BMAL2: variants seen among roughly 807,000 people sequenced by gnomAD.
BMAL2 encodes the protein basic helix-loop-helix ARNT-like protein 2.
chr12:27,359,105 A>C, the BMAL2 span, among the ~76,000 whole-genome samples: 1 of 152,208 alleles, frequency 6.6e-6, no homozygotes, highest in Non-Finnish European at 1.5e-5. Context: ...CAAATCCTGT[A>C]CCACACAGTG....
the BMAL2 span, among the ~76,000 whole-genome samples, chr12:27,356,035 T>G: frequency 8.5e-5 from 13 of 152,294 alleles, no homozygotes; most frequent in African/African-American, 2.6e-4. Context: ...ATGTGATATT[T>G]TGGGCTCCTG....
the BMAL2 span, among the ~76,000 whole-genome samples, chr12:27,369,280 CT>C: frequency 2.8e-5 from 4 of 143,220 alleles, no homozygotes; most frequent in East Asian, 2.1e-4. Context: ...CATCCTAGCT[CT>C]TTTTTTTTCT....
the BMAL2 span, among the ~76,000 whole-genome samples, chr12:27,343,379 C>A: frequency 2.0e-5 from 3 of 152,110 alleles, no homozygotes; most frequent in Non-Finnish European, 4.4e-5. Flanking sequence ...CAAAGTTAAA[C>A]GGAAGGTGTC....
At chr12:27,402,521 C>A in the BMAL2 span, 1 of 1,006,946 alleles carries the variant, frequency 9.9e-7, no homozygotes, top group Non-Finnish European at 1.5e-6. Flanking sequence ...ATAAATGGGC[C>A]ACAAATTGAC....
chr12:27,387,064 G>A, the BMAL2 span, among the ~76,000 whole-genome samples: 1 of 152,088 alleles, frequency 6.6e-6, no homozygotes, highest in African/African-American at 2.4e-5. Context: ...AAATCTGTTT[G>A]CATCTTAAGA....
the BMAL2 span, among the ~76,000 whole-genome samples, chr12:27,356,232 AG>A: frequency 3.5e-3 from 532 of 152,310 alleles, 11 homozygotes; most frequent in Non-Finnish European, 2.0e-3. Context: ...TGAAAGTTGT[AG>A]CTTTTGCTAG....
the BMAL2 span, among the ~76,000 whole-genome samples, chr12:27,348,187 C>CT: frequency 6.6e-6 from 1 of 152,234 alleles, no homozygotes; most frequent in Admixed American, 6.5e-5. Context: ...CAACCTTTTA[C>CT]TTTCCCCTAT....
At chr12:27,387,192 A>C in the BMAL2 span, 1 of 1,409,272 alleles carries the variant, frequency 7.1e-7, no homozygotes, top group Non-Finnish European at 1.0e-6. Flanking sequence ...GAGACAGACA[A>C]TATTTTAAAA....
chr12:27,334,843 G>C, the BMAL2 span, among the ~76,000 whole-genome samples: 1 of 152,218 alleles, frequency 6.6e-6, no homozygotes, highest in African/African-American at 2.4e-5. Flanking sequence ...GCTTCTGTTA[G>C]TCTTACAACA....
chr12:27,345,734 C>T, the BMAL2 span, among the ~76,000 whole-genome samples: 2 of 152,130 alleles, frequency 1.3e-5, no homozygotes, highest in East Asian at 3.9e-4. Context: ...AACTCCTGGG[C>T]TCAAGCTATC....
chr12:27,390,095 G>A, the BMAL2 span: 2,380 of 1,613,436 alleles, frequency 1.5e-3, 48 homozygotes, highest in African/African-American at 0.028. Context: ...CTGCACGAAA[G>A]CTGGTTTGCA....
the BMAL2 span, among the ~76,000 whole-genome samples, chr12:27,404,501 AT>A: frequency 9.8e-5 from 15 of 152,346 alleles, no homozygotes; most frequent in African/African-American, 3.4e-4. Context: ...GGGCATTATG[AT>A]AACTGTATAA....
At chr12:27,336,969 AAG>A in the BMAL2 span, among the ~76,000 whole-genome samples, 73 of 150,584 alleles carry the variant, frequency 4.8e-4, no homozygotes, top group African/African-American at 1.7e-3. Context: ...AAAAAAAAAA[AAG>A]TATTTTAAAC....
At chr12:27,369,100 T>C in the BMAL2 span, among the ~76,000 whole-genome samples, 1 of 152,114 alleles carries the variant, frequency 6.6e-6, no homozygotes, top group African/African-American at 2.4e-5. Context: ...TCTAAATAAA[T>C]AGGTATAAAA....
the BMAL2 span, among the ~76,000 whole-genome samples, chr12:27,402,122 C>T: frequency 3.0e-4 from 45 of 152,166 alleles, no homozygotes; most frequent in Non-Finnish European, 4.4e-5. Flanking sequence ...GTTGCTTTAG[C>T]AAGCTCTGGT....
chr12:27,337,484 T>A, the BMAL2 span, among the ~76,000 whole-genome samples: 1 of 152,198 alleles, frequency 6.6e-6, no homozygotes, highest in South Asian at 2.1e-4. Flanking sequence ...CCCAACATAA[T>A]GTACACTTTC....
the BMAL2 span, among the ~76,000 whole-genome samples, chr12:27,390,673 A>G: frequency 6.6e-6 from 1 of 152,174 alleles, no homozygotes. Flanking sequence ...TTTTTATGAG[A>G]TGGTGATTCT....
chr12:27,363,882 TAAA>T, the BMAL2 span, among the ~76,000 whole-genome samples: 1 of 152,296 alleles, frequency 6.6e-6, no homozygotes, highest in East Asian at 1.9e-4. Context: ...TTCTATGAAA[TAAA>T]AATACTCTCC....
the BMAL2 span, among the ~76,000 whole-genome samples, chr12:27,348,793 G>A: frequency 2.0e-5 from 3 of 152,178 alleles, no homozygotes; most frequent in South Asian, 2.1e-4. Context: ...CTGGGATTGT[G>A]TTAAGCTAGG....
Sources: allele counts gnomAD v4.1 joint callset (sites outside exome capture counted in the v4.1 genomes callset), GRCh38; gene constraint gnomAD v4.1.1; transcripts MANE v1.5; gene names NCBI Gene and HGNC (gene_info 2026-07-23, HGNC 2026-07-21).